PHC3: variants seen among roughly 807,000 people sequenced by gnomAD.
PHC3 encodes polyhomeotic homolog 3.
In PHC3, 13 loss-of-function variants were observed where a neutral mutation model predicts 107.4. The ratio of observed to expected loss-of-function variants is 0.12; its 90% CI spans 0.08 to 0.19. The LOEUF is 0.19. PHC3 is among the 10% of genes least tolerant of loss of function. The pLI, the probability that PHC3 is intolerant of heterozygous loss-of-function variation, is 1.00. For synonymous variants in PHC3, 456 were observed against 427.4 expected (o/e 1.07, Z -0.83); for missense variants, 992 against 1,210.9 (o/e 0.82, Z 2.68).
rs1305067331 is a variant in PHC3, at chr3:170,094,270, TA to T, written c.*2959del. ...AGGCTTGATGAATATTAATGTCATA[TA>T]AAAAATAATTTTTACAAATCAGCTC... On this transcript the variant is annotated 3_prime_UTR_variant, in exon 15 of 15. Coordinates refer to ENST00000495893, the MANE Select transcript of PHC3 (RefSeq NM_024947.4). 6.6e-6 allele frequency: 1 copy of T among 152,332 alleles called. No individual in the cohort carries two copies. Among genetic ancestry groups the T allele is most frequent in the African/African-American group, 2.4e-5 (1 of 41,584 alleles). The allele number at this position is 152,332 out of a possible 1,614,324, so 9.4% of individuals were successfully genotyped here.
At chr3:170,158,091 A>G (rs375411247) in intron 4 of PHC3, among the ~76,000 whole-genome samples, 1 of 152,148 alleles carries the variant, frequency 6.6e-6, no homozygotes, top group Non-Finnish European at 1.5e-5. Context: ...AGCAATTAAT[A>G]CAGTAAAAAA....
intron 12 of PHC3, 113 bp downstream of exon 12, chr3:170,106,719 T>C (rs780233732): frequency 6.2e-5 from 35 of 566,044 alleles, no homozygotes; most frequent in Non-Finnish European, 9.6e-5. Flanking sequence ...TCTTCTATAA[T>C]ATTACATATT....
chr3:170,121,028 C>T (rs1720184188), intron 9 of PHC3, among the ~76,000 whole-genome samples: 1 of 152,226 alleles, frequency 6.6e-6, no homozygotes, highest in Admixed American at 6.5e-5. Context: ...GCCACAATAT[C>T]TGAACAAATG....
At chr3:170,141,310 C>A (rs1190651112) in intron 6 of PHC3, among the ~76,000 whole-genome samples, 2 of 152,154 alleles carry the variant, frequency 1.3e-5, no homozygotes, top group Non-Finnish European at 2.9e-5. Context: ...AGAAGAGAAA[C>A]AATATCCATA....
intron 4 of PHC3, among the ~76,000 whole-genome samples, chr3:170,153,951 G>T (rs948808815): frequency 6.6e-6 from 1 of 151,886 alleles, no homozygotes; most frequent in Non-Finnish European, 1.5e-5. Flanking sequence ...CCTTGCCACC[G>T]CCATGTCCCA....
At chr3:170,118,619 G>A (rs1719524558) in intron 9 of PHC3, among the ~76,000 whole-genome samples, 1 of 152,104 alleles carries the variant, frequency 6.6e-6, no homozygotes. Flanking sequence ...CACTGTGTTA[G>A]CCAGGATGGT....
intron 5 of PHC3, 49 bp downstream of exon 5, chr3:170,149,037 A>T (rs767715751): frequency 1.1e-5 from 17 of 1,531,658 alleles, no homozygotes; most frequent in Non-Finnish European, 1.4e-5. Flanking sequence ...AAACATTTTG[A>T]TCTCTCAAGT....
intron 11 of PHC3, among the ~76,000 whole-genome samples, chr3:170,107,653 T>C (rs1487978337): frequency 6.7e-6 from 1 of 150,234 alleles, no homozygotes; most frequent in Non-Finnish European, 1.5e-5. Context: ...TTCCTTTTAG[T>C]TATATTGCAT....
chr3:170,132,442 A>T (rs1017128814), intron 7 of PHC3, among the ~76,000 whole-genome samples: 1 of 152,164 alleles, frequency 6.6e-6, no homozygotes, highest in Non-Finnish European at 1.5e-5. Context: ...CTGAAGCCCT[A>T]ACTCCCAATG....
chr3:170,102,272 C>A, intron 14 of PHC3: 1 of 985,334 alleles, frequency 1.0e-6, no homozygotes, highest in Non-Finnish European at 1.2e-6. Context: ...CAGTTTTTAT[C>A]GACTTGGGGG....
chr3:170,133,414 T>C (rs981297764), intron 7 of PHC3, among the ~76,000 whole-genome samples: 1 of 152,110 alleles, frequency 6.6e-6, no homozygotes, highest in African/African-American at 2.4e-5. Flanking sequence ...CTTGACCTCA[T>C]GATCTGCCCG....
intron 6 of PHC3, among the ~76,000 whole-genome samples, chr3:170,137,333 T>C (rs1483884121): frequency 2.0e-5 from 3 of 152,174 alleles, no homozygotes; most frequent in African/African-American, 7.2e-5. Context: ...CTCAGGGCTA[T>C]ATGAAACATA....
At chr3:170,147,393 T>C (rs1222307592) in intron 5 of PHC3, 1 of 152,190 alleles carries the variant, frequency 6.6e-6, no homozygotes, top group African/African-American at 2.4e-5. Context: ...TAAACTTCAG[T>C]TCTTTGGTAC....
intron 7 of PHC3, among the ~76,000 whole-genome samples, chr3:170,130,969 A>G (rs1722160445): frequency 6.6e-6 from 1 of 152,062 alleles, no homozygotes; most frequent in African/African-American, 2.4e-5. Flanking sequence ...CCTTACATCT[A>G]TTTTTGTGTT....
In PHC3 at chr3:170,090,018, A is replaced by G. The variant is rs1713927334; in HGVS notation, c.*7212T>C. 3 of 151,280 alleles carry G rather than the reference A, an allele frequency of 2.0e-5. No homozygotes were observed. The highest frequency in any genetic ancestry group is 2.0e-4 in the Admixed American group (3 of 15,190). The allele number at this position is 151,280 out of a possible 1,614,324, so 9.4% of individuals were successfully genotyped here. ...ACACCAGCTTTTTTTTTGTTCTGCCACATGCCTTGTATAGCAACAACTCTG... is the reference window on the plus strand; with the variant it reads ...ACACCAGCTTTTTTTTTGTTCTGCCGCATGCCTTGTATAGCAACAACTCTG... On this transcript the variant is annotated 3_prime_UTR_variant, in exon 15 of 15. Coordinates refer to ENST00000495893, the MANE Select transcript of PHC3 (RefSeq NM_024947.4).
At chr3:170,147,935 G>C (rs1335354870) in intron 5 of PHC3, 1 of 152,156 alleles carries the variant, frequency 6.6e-6, no homozygotes, top group Non-Finnish European at 1.5e-5. Context: ...TTAAAGCATA[G>C]TATGAGTTAA....
intron 1 of PHC3, among the ~76,000 whole-genome samples, chr3:170,179,292 AG>A (rs1413611529): frequency 6.6e-6 from 1 of 152,244 alleles, no homozygotes; most frequent in Non-Finnish European, 1.5e-5. Context: ...AAGCAGTATC[AG>A]AGTATTTTAA....
At chr3:170,140,440 G>A (rs79389383) in intron 6 of PHC3, among the ~76,000 whole-genome samples, 16,743 of 151,170 alleles carry the variant, frequency 0.11, 992 homozygotes, top group Middle Eastern at 0.16. Context: ...TTTTAGTAAA[G>A]ATGGGGTTTC....
chr3:170,152,302 C>A (rs1354232904), intron 4 of PHC3, among the ~76,000 whole-genome samples: 2 of 150,208 alleles, frequency 1.3e-5, no homozygotes, highest in Non-Finnish European at 3.0e-5. Context: ...TCCTGAATAG[C>A]TGGGACTACA....
Sources: gnomAD v4.1 joint callset for allele counts (sites outside exome capture counted in the v4.1 genomes callset) on GRCh38, gnomAD v4.1.1 for gene constraint, MANE v1.5 for transcripts, NCBI Gene and HGNC (gene_info 2026-07-23, HGNC 2026-07-21) for gene names.